PARP6: variants seen among roughly 807,000 people sequenced by gnomAD.
PARP6 encodes the protein protein mono-ADP-ribosyltransferase PARP6.
A neutral mutation model predicts 92.0 loss-of-function variants in PARP6; 27 were observed. The ratio of observed to expected loss-of-function variants is 0.29; its 90% CI spans 0.22 to 0.40. The LOEUF (loss-of-function observed/expected upper bound fraction) is 0.40. Ranked by LOEUF, PARP6 falls within the 10% of genes least tolerant of loss-of-function variation. The probability of loss-of-function intolerance (pLI) is 1.00; values close to 1 mark genes in which losing one functional copy is unlikely to be tolerated. For missense variants in PARP6, 501 were observed against 784.5 expected (o/e 0.64, Z 4.32); for synonymous variants, 272 against 281.2 (o/e 0.97, Z 0.33).
Position 72,242,259 on chromosome 15 carries a change from G to C in PARP6, c.1642-39C>G. On this transcript the variant is annotated intron_variant, in intron 21 of 23. Transcript: ENST00000569795. This position sits in a 1 kb window ranked among gnomAD's most constrained non-coding sequence, Gnocchi z 4.3. ...AGGCAAAGGAGACCAGAGCCAGGTA[G>C]ATGGGTACAGCTTTCCCTAGAGAGG... 1 of 1,515,246 alleles carries C rather than the reference G, an allele frequency of 6.6e-7. No individual in the cohort carries two copies. The highest frequency in any genetic ancestry group is 1.4e-5 in the African/African-American group (1 of 73,114). The allele number at this position is 1,515,246 out of a possible 1,614,324, so 93.9% of individuals were successfully genotyped here. A position where few individuals can be genotyped will look rare whatever the true frequency, so the allele number is the denominator to read the frequency against.
intron 17 of PARP6, 104 bp downstream of exon 17, chr15:72,251,101 CAG>C: frequency 3.0e-6 from 3 of 988,000 alleles, no homozygotes; most frequent in Non-Finnish European, 4.9e-6. Context: ...AGTTGATGGA[CAG>C]AGCAATGTAG....
At chr15:72,266,656 C>T in intron 4 of PARP6, 89 bp downstream of exon 4, 1 of 929,476 alleles carries the variant, frequency 1.1e-6, no homozygotes, top group Middle Eastern at 2.1e-4. Context: ...CTCATCTGTG[C>T]TCCAGAACCT....
rs1270316321 is a variant in PARP6, at chr15:72,241,853, C to G, written c.1790+48G>C. On this transcript the variant is annotated intron_variant, in intron 23 of 23. Transcript: ENST00000569795. This position sits in a 1 kb window ranked among gnomAD's most constrained non-coding sequence, Gnocchi z 4.1. Reference sequence around the variant, plus strand: ...TCCCAGTAGCCACACACCATCACACCCCCAACCTCACTCCTCGAGTAATCC... The same window carrying G: ...TCCCAGTAGCCACACACCATCACACGCCCAACCTCACTCCTCGAGTAATCC... 7.3e-7 allele frequency: 1 copy of G among 1,364,204 alleles called. No individual in the cohort carries two copies. The highest frequency in any genetic ancestry group is 1.0e-6 in the Non-Finnish European group (1 of 952,850). 84.5% of individuals were successfully genotyped at this position (1,364,204 alleles called of 1,614,324 possible).
chr15:72,249,999 G>A (rs1194541613), intron 19 of PARP6, 21 bp downstream of exon 19: 1 of 1,524,112 alleles, frequency 6.6e-7, no homozygotes, highest in Non-Finnish European at 9.1e-7. Flanking sequence ...AGAAATAAAG[G>A]AGAAAGGGGC....
At chr15:72,256,708 C>A in intron 13 of PARP6, 118 bp from the exon 14 acceptor site, 1 of 818,964 alleles carries the variant, frequency 1.2e-6, no homozygotes, top group Non-Finnish European at 1.7e-6. Context: ...TTAAGGCTTT[C>A]AAAATAGAAA....
chr15:72,265,216 A>T (rs768562848), intron 6 of PARP6, 45 bp from the exon 7 acceptor site: 1 of 1,366,704 alleles, frequency 7.3e-7, no homozygotes, highest in Admixed American at 1.8e-5. Flanking sequence ...AACATAGACG[A>T]ATGGACCTGA....
At chr15:72,266,337 T>C (rs755922996) in intron 4 of PARP6, among the ~76,000 whole-genome samples, 24 of 152,270 alleles carry the variant, frequency 1.6e-4, no homozygotes, top group Non-Finnish European at 2.4e-4. Context: ...TTTCCTAAGA[T>C]TGGTTCTAAG....
chr15:72,249,379 G>T, intron 19 of PARP6, 65 bp from the exon 20 acceptor site: 1 of 894,332 alleles, frequency 1.1e-6, no homozygotes. Context: ...TTATTAGGCA[G>T]CAGCAAGGCT....
At chr15:72,267,230 CTT>C (rs899917691) in intron 3 of PARP6, 31 of 582,868 alleles carry the variant, frequency 5.3e-5, no homozygotes, top group African/African-American at 9.3e-5. Context: ...CCTAAACTCT[CTT>C]GTCTCATTAT....
chr15:72,264,683 C>T, intron 7 of PARP6, 62 bp from the exon 8 acceptor site: 1 of 1,308,668 alleles, frequency 7.6e-7, no homozygotes. Flanking sequence ...GAGTCCAAAG[C>T]TCAGTGGAAT....
intron 20 of PARP6, among the ~76,000 whole-genome samples, chr15:72,248,960 T>C (rs573449337): frequency 2.0e-5 from 3 of 152,372 alleles, no homozygotes; most frequent in South Asian, 4.1e-4. Flanking sequence ...AAACGTGTTC[T>C]ACAAAAAGCC....
intron 4 of PARP6, 116 bp from the exon 5 acceptor site, chr15:72,266,107 A>G: frequency 1.3e-6 from 1 of 763,136 alleles, no homozygotes; most frequent in South Asian, 1.5e-5. Context: ...ACAGCAGTAT[A>G]GGGGAAGTAA....
chr15:72,247,773 ACT>A (rs201665284), intron 20 of PARP6, among the ~76,000 whole-genome samples: 1 of 150,750 alleles, frequency 6.6e-6, no homozygotes, highest in Non-Finnish European at 1.5e-5. Context: ...AGTGTAGGTA[ACT>A]CTCTTATTAC....
rs1487474579 is a variant in PARP6, at chr15:72,263,180, A to T, written c.395+1375T>A. ...ATTTACATTGGTGGTATCACAATTT[A>T]CCCAGACATCTAGGCTGGAAACCTA... On this transcript the variant is annotated intron_variant, in intron 8 of 23. Coordinates refer to ENST00000569795, the MANE Select transcript of PARP6 (RefSeq NM_001323532.2). 5.9e-5 allele frequency among the ~76,000 whole-genome samples: 9 copies of T among 152,316 alleles called. No individual in the cohort carries two copies. In the East Asian group the frequency reaches 1.7e-3, roughly 29 times the overall value.
At chr15:72,260,405 T>G in intron 10 of PARP6, 73 bp downstream of exon 10, 9 of 1,260,330 alleles carry the variant, frequency 7.1e-6, no homozygotes, top group Non-Finnish European at 1.0e-5. Context: ...CACCCCATTT[T>G]GAGAAACTAC....
intron 5 of PARP6, among the ~76,000 whole-genome samples, 183 bp downstream of exon 5, chr15:72,265,714 G>A (rs1335476158): frequency 6.6e-6 from 1 of 152,150 alleles, no homozygotes; most frequent in Non-Finnish European, 1.5e-5. Context: ...AGGATAAGAG[G>A]GAATTCCTAA....
chr15:72,261,506 G>T lies in PARP6; in HGVS notation c.545+52C>A, dbSNP rs748517441. On this transcript the variant is annotated intron_variant, in intron 9 of 23. Transcript: ENST00000569795. ...CATTTATGTAATCAAGAAGGTGGGG[G>T]TGGGGGCTATCACAAGGTGTTTACA... The T allele has an allele frequency of 1.1e-5, 16 of 1,506,890 alleles. No homozygotes were observed. The Admixed American group carries it at 2.0e-4, about 19-fold the overall frequency. The allele number at this position is 1,506,890 out of a possible 1,614,324, so 93.3% of individuals were successfully genotyped here.
intron 16 of PARP6, among the ~76,000 whole-genome samples, chr15:72,252,903 G>A (rs879637031): frequency 1.3e-5 from 2 of 152,156 alleles, no homozygotes; most frequent in East Asian, 3.9e-4. Flanking sequence ...CATGTCAGCT[G>A]CACATCGTGG....
At position 72,258,052 on chromosome 15, in the gene PARP6, A is replaced by AT; in HGVS notation, c.890dup (p.Asn297LysfsTer13). The AT allele has an allele frequency of 6.2e-7, 1 of 1,612,946 alleles. No individual in the cohort carries two copies. Among genetic ancestry groups the AT allele is most frequent in the Non-Finnish European group, 8.5e-7 (1 of 1,178,884 alleles). On this transcript the variant is annotated frameshift_variant, in exon 12 of 24. Coordinates refer to ENST00000569795, the MANE Select transcript of PARP6 (RefSeq NM_001323532.2). LOFTEE classifies it high-confidence loss of function. ...GGTCCTATACCTTCAGCATAGATCC[A>AT]TTTTGGAAGACATGCTGCTCATCAC... is the stretch of plus-strand genomic sequence containing the variant.
Sources: allele counts gnomAD v4.1 joint callset (sites outside exome capture counted in the v4.1 genomes callset), GRCh38; gene constraint gnomAD v4.1.1; non-coding constraint Gnocchi (gnomAD v3.1); transcripts MANE v1.5; gene names NCBI Gene and HGNC (gene_info 2026-07-23, HGNC 2026-07-21).